The following MYH14 variants were observed in gnomAD, a reference collection of about 807,000 sequenced individuals.
The protein encoded by MYH14 is myosin-14.
A neutral mutation model predicts 255.5 loss-of-function variants in MYH14; 123 were observed. That is an observed-to-expected ratio of 0.48 (90% confidence interval 0.42 to 0.56). The LOEUF (loss-of-function observed/expected upper bound fraction) is 0.56, where lower values mean the gene tolerates loss of function less well. Among genes scored for constraint, MYH14 ranks in the 20% least tolerant of loss-of-function variants. The pLI, the probability that MYH14 is intolerant of heterozygous loss-of-function variation, is 0.00. For missense variants in MYH14, 2,423 were observed against 2,802.3 expected (o/e 0.86, Z 3.06); for synonymous variants, 1,095 against 1,161.2 (o/e 0.94, Z 1.16).
intron 10 of MYH14, among the ~76,000 whole-genome samples, chr19:50,242,118 C>G (rs2033916917): frequency 6.6e-6 from 1 of 152,186 alleles, no homozygotes. Context: ...CCGTCCGCAT[C>G]CAAGTGGACT....
chr19:50,257,596 G>A lies in MYH14; in HGVS notation c.2232+110G>A, dbSNP rs1265514861. The A allele has an allele frequency of 3.6e-6, 4 of 1,120,406 alleles. No individual in the cohort carries two copies. In the South Asian group the frequency reaches 4.1e-5, roughly 12 times the overall value. The allele number at this position is 1,120,406 out of a possible 1,614,324, so 69.4% of individuals were successfully genotyped here. A position where few individuals can be genotyped will look rare whatever the true frequency, so the allele number is the denominator to read the frequency against. On this transcript the variant is annotated intron_variant, in intron 18 of 42. Transcript: ENST00000642316. The stretch of plus-strand genomic sequence containing the variant: ...ATTCGAGGACCCTCAAATTAGCTGT[G>A]TGGCTTTGAGCAAATTGCTTCTATT...
At chr19:50,272,201 T>A (rs913364325) in intron 26 of MYH14, among the ~76,000 whole-genome samples, 3 of 152,220 alleles carry the variant, frequency 2.0e-5, no homozygotes, top group Non-Finnish European at 4.4e-5. Flanking sequence ...CCCATCTGAC[T>A]GTCCCACTGT....
intron 40 of MYH14, among the ~76,000 whole-genome samples, chr19:50,306,573 T>C (rs1055006083): frequency 1.3e-5 from 2 of 152,188 alleles, no homozygotes; most frequent in African/African-American, 4.8e-5. Flanking sequence ...GCTACAAATA[T>C]ATTAATGTGC....
intron 21 of MYH14, among the ~76,000 whole-genome samples, chr19:50,262,196 C>T (rs140884239): frequency 0.01 from 1,587 of 152,240 alleles, 14 homozygotes; most frequent in Non-Finnish European, 0.015. Context: ...AAAGACCCAA[C>T]GATGCAAGAT....
Position 50,252,595 on chromosome 19 carries a change from C to A in MYH14, c.1831-44C>A. The A allele has an allele frequency of 7.5e-7, 1 of 1,332,810 alleles. No individual in the cohort carries two copies. 82.6% of individuals were successfully genotyped at this position (1,332,810 alleles called of 1,614,324 possible). ...GCTCCTTAGGAAATCCAGAGAATGT[C>A]TGAGCCTGCAAGTCATCGCCCTCCT... On this transcript the variant is annotated intron_variant, in intron 15 of 42. Coordinates refer to ENST00000642316, the MANE Select transcript of MYH14 (RefSeq NM_001145809.2). The surrounding 1 kb of genome is among the most constrained non-coding windows in gnomAD (Gnocchi z 4.2).
Position 50,309,014 on chromosome 19 carries a change from G to A in MYH14, c.5797G>A (p.Gly1933Arg). ...ADQLRDQLEK[G>R]NLRVKQLKRQ... ...CCCTGCTTCCATCAAGCTGGAGAAG[G>A]GAAACCTTCGAGTCAAGCAGCTGAA... The change falls in exon 42 of 43, where the codon GGA (glycine) becomes AGA (arginine). Residue 1933 changes from glycine (G) to arginine (R), a missense_variant. Transcript: ENST00000642316. 3 of 1,612,140 alleles carry A rather than the reference G, an allele frequency of 1.9e-6. No homozygotes were observed. Among genetic ancestry groups the A allele is most frequent in the Non-Finnish European group, 2.5e-6 (3 of 1,178,928 alleles).
intron 40 of MYH14, among the ~76,000 whole-genome samples, chr19:50,303,350 T>C (rs2036555732): frequency 6.6e-6 from 1 of 152,220 alleles, no homozygotes; most frequent in Non-Finnish European, 1.5e-5. Context: ...CTCTGCTCTA[T>C]GTGGCCTCTC....
At position 50,257,359 on chromosome 19, in the gene MYH14, GC is replaced by G; in HGVS notation, c.2110del (p.Arg704ValfsTer16). On this transcript the variant is annotated frameshift_variant, in exon 18 of 43. Transcript: ENST00000642316. LOFTEE classifies it high-confidence loss of function. Reference protein sequence around the residue: ...SSLGDGPPGGRPRRGMFRTVG... With the variant: ...SSLGDGPPGGXPRRGMFRTVG... The stretch of plus-strand genomic sequence containing the variant: ...CTGGGCGACGGCCCACCAGGTGGCC[GC>G]CCCCGTCGGGGTATGTTCCGGACAG... 1 of 1,608,158 alleles carries G rather than the reference GC, an allele frequency of 6.2e-7. No individual in the cohort carries two copies. The highest frequency in any genetic ancestry group is 1.7e-5 in the Admixed American group (1 of 59,250).
chr19:50,248,727 G>A lies in MYH14; in HGVS notation c.1330-260G>A, dbSNP rs964983677. ...GAGTCCACGCTCTTAACCGCTGTGC[G>A]GTAGAAACTGCTTTGAGGGGGTGAG... On this transcript the variant is annotated intron_variant, in intron 12 of 42. Coordinates refer to ENST00000642316, the MANE Select transcript of MYH14 (RefSeq NM_001145809.2). Among the ~76,000 whole-genome samples, 23 of 152,206 alleles carry A rather than the reference G, an allele frequency of 1.5e-4. No individual in the cohort carries two copies. In the East Asian group the frequency reaches 2.3e-3, roughly 15 times the overall value.
intron 16 of MYH14, 56 bp from the exon 17 acceptor site, chr19:50,255,164 G>A (rs533424241): frequency 2.4e-5 from 27 of 1,136,920 alleles, no homozygotes; most frequent in African/African-American, 3.1e-5. Context: ...ATCTCTCTCC[G>A]CCATCTCTCT....
At position 50,268,590 on chromosome 19, in the gene MYH14, G is replaced by A. The variant is rs188638687; in HGVS notation, c.3033+223G>A. 9.2e-5 allele frequency among the ~76,000 whole-genome samples: 14 copies of A among 152,400 alleles called. No homozygotes were observed. The East Asian group carries it at 2.7e-3, about 29-fold the overall frequency. On this transcript the variant is annotated intron_variant, in intron 24 of 42. Transcript: ENST00000642316. ...TCCAGGCATCCAAGTGATATGTTCA[G>A]CTTCAGGCCTGGCTGGATCCAGGTG... is the stretch of plus-strand genomic sequence containing the variant.
chr19:50,260,865 ATGTG>A, intron 20 of MYH14, 150 bp downstream of exon 20: 2 of 653,952 alleles, frequency 3.1e-6, no homozygotes, highest in Non-Finnish European at 5.5e-6. Context: ...GTGCATGCAT[ATGTG>A]TGCATGCGTG....
At chr19:50,279,308 C>T (rs537581998) in intron 30 of MYH14, among the ~76,000 whole-genome samples, 6 of 152,242 alleles carry the variant, frequency 3.9e-5, no homozygotes, top group East Asian at 3.9e-4. Flanking sequence ...TGTTGCAGCT[C>T]GTAGCATAAT....
intron 41 of MYH14, chr19:50,308,233 T>C (rs1425723125): frequency 6.6e-6 from 1 of 152,212 alleles, no homozygotes; most frequent in Admixed American, 6.5e-5. Context: ...GAAATACGTT[T>C]GGTGAGTTCA....
intron 20 of MYH14, 48 bp downstream of exon 20, chr19:50,260,763 G>GCGTGCATGAGTGTGCA (rs1568510558): frequency 1.5e-6 from 2 of 1,323,294 alleles, no homozygotes; most frequent in Non-Finnish European, 2.1e-6. Context: ...GTGTGTGTGC[G>GCGTGCATGAGTGTGCA]TGCATGAGTG....
chr19:50,285,293 G>A (rs1455555332), intron 33 of MYH14: 3 of 152,160 alleles, frequency 2.0e-5, no homozygotes, highest in Non-Finnish European at 2.9e-5. Context: ...AAAACAAAAA[G>A]CCTTCCAATT....
At position 50,307,174 on chromosome 19, in the gene MYH14, A is replaced by T; in HGVS notation, c.5787+17A>T. 1 of 1,473,128 alleles carries T rather than the reference A, an allele frequency of 6.8e-7. No homozygotes were observed. The highest frequency in any genetic ancestry group is 9.3e-7 in the Non-Finnish European group (1 of 1,077,846). The allele number at this position is 1,473,128 out of a possible 1,614,324, so 91.3% of individuals were successfully genotyped here. A position where few individuals can be genotyped will look rare whatever the true frequency, so the allele number is the denominator to read the frequency against. ...CGGGACCAGGTAAGCAGCTGGCATC[A>T]TTAGGGAGCAGTGGAGAGTGTGACC... On this transcript the variant is annotated intron_variant, in intron 41 of 42. Coordinates refer to ENST00000642316, the MANE Select transcript of MYH14 (RefSeq NM_001145809.2).
intron 8 of MYH14, among the ~76,000 whole-genome samples, chr19:50,228,781 A>C (rs1451905377): frequency 6.6e-6 from 1 of 152,008 alleles, no homozygotes; most frequent in Non-Finnish European, 1.5e-5. Context: ...CACGCTCCCC[A>C]TGCAGTGTGG....
chr19:50,224,243 ATCT>A (rs2032992344), intron 6 of MYH14, 66 bp downstream of exon 6: 4 of 1,610,310 alleles, frequency 2.5e-6, no homozygotes, highest in Non-Finnish European at 3.4e-6. Flanking sequence ...CCAATGCATG[ATCT>A]TCTTGGTAGA....
Sources: allele counts gnomAD v4.1 joint callset (sites outside exome capture counted in the v4.1 genomes callset), GRCh38; gene constraint gnomAD v4.1.1; non-coding constraint Gnocchi (gnomAD v3.1); transcripts MANE v1.5; gene names NCBI Gene and HGNC (gene_info 2026-07-23, HGNC 2026-07-21).